The following PRIM2 variants were observed in gnomAD, a reference collection of about 807,000 sequenced individuals.
The protein encoded by PRIM2 is DNA primase large subunit.
In PRIM2, 39 loss-of-function variants were observed where a neutral mutation model predicts 67.3. The ratio of observed to expected loss-of-function variants is 0.58; its 90% CI spans 0.45 to 0.76. The LOEUF (loss-of-function observed/expected upper bound fraction) is 0.76, where lower values mean the gene tolerates loss of function less well. PRIM2 is among the 30% of genes least tolerant of loss of function. The pLI is 0.00. For missense variants in PRIM2, 398 were observed against 598.7 expected (o/e 0.66, Z 3.50); for synonymous variants, 143 against 198.7 (o/e 0.72, Z 2.36).
intron 5 of PRIM2, among the ~76,000 whole-genome samples, chr6:57,362,434 A>G (rs1769232914): frequency 6.6e-6 from 1 of 152,124 alleles, no homozygotes; most frequent in Non-Finnish European, 1.5e-5. Flanking sequence ...ACTCAAAGCA[A>G]GTTTCTCCCT....
At chr6:57,221,815 C>A in the PRIM2 span, 1 of 152,392 alleles carries the variant, frequency 6.6e-6, no homozygotes, top group Non-Finnish European at 1.5e-5. Flanking sequence ...AGGGGAGAGC[C>A]GGCGCTCGGC....
At chr6:57,548,455 A>G (rs1446962491) in intron 10 of PRIM2, among the ~76,000 whole-genome samples, 1 of 152,060 alleles carries the variant, frequency 6.6e-6, no homozygotes, top group Non-Finnish European at 1.5e-5. Context: ...GAGCAGTAAA[A>G]CTCATGGAAA....
At chr6:57,564,520 TC>T (rs1185572728) in intron 10 of PRIM2, among the ~76,000 whole-genome samples, 1 of 152,220 alleles carries the variant, frequency 6.6e-6, no homozygotes, top group Non-Finnish European at 1.5e-5. Context: ...AAGTTTTCTT[TC>T]TTTTTTTTAC....
At chr6:57,567,774 T>C in intron 10 of PRIM2, among the ~76,000 whole-genome samples, 1 of 152,248 alleles carries the variant, frequency 6.6e-6, no homozygotes. Flanking sequence ...TTAGTCATGT[T>C]GGGGGAGATT....
rs1325450724 is a variant in PRIM2, at chr6:57,523,870, T to A, written c.762-8541T>A. On this transcript the variant is annotated intron_variant, in intron 8 of 13. Coordinates refer to ENST00000615550, the MANE Select transcript of PRIM2 (RefSeq NM_000947.5). ...TGCTCATATTGATATTCGTGGTACA[T>A]TGAACAGGACTTAAATTTCTGTTGT... Among the ~76,000 whole-genome samples, 4 of 152,334 alleles carry A rather than the reference T, an allele frequency of 2.6e-5. No individual in the cohort carries two copies. In the East Asian group the frequency reaches 7.7e-4, roughly 29 times the overall value.
chr6:57,632,841 C>T (rs2127499619), intron 13 of PRIM2, among the ~76,000 whole-genome samples: 1 of 152,330 alleles, frequency 6.6e-6, no homozygotes, highest in African/African-American at 2.4e-5. Flanking sequence ...TACTTATCTG[C>T]ATGGCAAAAC....
chr6:57,232,279 G>A, the PRIM2 span, among the ~76,000 whole-genome samples: 1 of 152,192 alleles, frequency 6.6e-6, no homozygotes, highest in African/African-American at 2.4e-5. Flanking sequence ...GGGACTGGGC[G>A]TGGTGGCTCA....
At chr6:57,268,806 C>T in the PRIM2 span, among the ~76,000 whole-genome samples, 2 of 131,610 alleles carry the variant, frequency 1.5e-5, no homozygotes, top group South Asian at 2.7e-4. Context: ...ACAACAGTCC[C>T]CAGAGTGTGA....
In PRIM2 at chr6:57,646,581, C is replaced by T. The variant is rs1279738864; in HGVS notation, c.*423C>T. On this transcript the variant is annotated 3_prime_UTR_variant, in exon 14 of 14. Coordinates refer to ENST00000615550, the MANE Select transcript of PRIM2 (RefSeq NM_000947.5). ...ATCCCAATCCATCTACAGGCATGCACACTTATTAGGAAAGGAGGTTTGAGG... is the reference window on the plus strand; with the variant it reads ...ATCCCAATCCATCTACAGGCATGCATACTTATTAGGAAAGGAGGTTTGAGG... The T allele has an allele frequency of 6.4e-6, 1 of 155,802 alleles. No individual in the cohort carries two copies. Among genetic ancestry groups the T allele is most frequent in the Non-Finnish European group, 1.4e-5 (1 of 70,878 alleles). 9.7% of individuals were successfully genotyped at this position (155,802 alleles called of 1,614,324 possible). A position where few individuals can be genotyped will look rare whatever the true frequency, so the allele number is the denominator to read the frequency against.
At chr6:57,342,729 A>G (rs939739122) in intron 5 of PRIM2, among the ~76,000 whole-genome samples, 4 of 152,218 alleles carry the variant, frequency 2.6e-5, no homozygotes, top group Non-Finnish European at 4.4e-5. Flanking sequence ...ACCTCATATT[A>G]AAAAGACCTA....
intron 7 of PRIM2, among the ~76,000 whole-genome samples, chr6:57,485,484 G>T (rs1429897938): frequency 1.3e-5 from 2 of 152,072 alleles, no homozygotes; most frequent in Non-Finnish European, 2.9e-5. Context: ...GGAGTTAGAT[G>T]TATGTTTGTA....
the PRIM2 span, among the ~76,000 whole-genome samples, chr6:57,229,672 A>G: frequency 6.6e-6 from 1 of 151,838 alleles, no homozygotes; most frequent in Non-Finnish European, 1.5e-5. Flanking sequence ...TTGTATTTTT[A>G]GTAGAGACAG....
intron 7 of PRIM2, among the ~76,000 whole-genome samples, chr6:57,498,044 C>T (rs1275437985): frequency 3.3e-5 from 5 of 152,114 alleles, no homozygotes; most frequent in African/African-American, 1.2e-4. Context: ...AGAGCAGCTG[C>T]TTGTAAAAGT....
chr6:57,283,831 A>G, the PRIM2 span, among the ~76,000 whole-genome samples: 21 of 152,192 alleles, frequency 1.4e-4, no homozygotes, highest in African/African-American at 4.8e-4. Context: ...AATTATAGGT[A>G]ATATATTCTT....
intron 7 of PRIM2, among the ~76,000 whole-genome samples, chr6:57,409,359 T>A (rs1315302723): frequency 6.6e-6 from 1 of 152,078 alleles, no homozygotes; most frequent in African/African-American, 2.4e-5. Context: ...GTATTTTTAG[T>A]AGAGGCAGGG....
chr6:57,315,383 CTTCCAA>C (rs1410333980), upstream of PRIM2, among the ~76,000 whole-genome samples: 2 of 152,204 alleles, frequency 1.3e-5, no homozygotes, highest in East Asian at 3.9e-4. Context: ...TAATCTTGAT[CTTCCAA>C]AAGATAAAGA....
chr6:57,455,884 A>G (rs1451457646), intron 7 of PRIM2, among the ~76,000 whole-genome samples: 1 of 152,138 alleles, frequency 6.6e-6, no homozygotes, highest in Non-Finnish European at 1.5e-5. Flanking sequence ...CCTAGCCTGG[A>G]TGGTCTTTAC....
chr6:57,529,398 C>G (rs1196960261), intron 8 of PRIM2, among the ~76,000 whole-genome samples: 1 of 151,932 alleles, frequency 6.6e-6, no homozygotes, highest in African/African-American at 2.4e-5. Context: ...CCTCTTTGCT[C>G]TACTGTAAGA....
the PRIM2 span, among the ~76,000 whole-genome samples, chr6:57,241,048 ACT>A: frequency 6.6e-6 from 1 of 151,778 alleles, no homozygotes; most frequent in Non-Finnish European, 1.5e-5. Context: ...CACGGGTGAA[ACT>A]CTGTCTCTAC....
Sources: gnomAD v4.1 joint callset for allele counts (sites outside exome capture counted in the v4.1 genomes callset) on GRCh38, gnomAD v4.1.1 for gene constraint, MANE v1.5 for transcripts, NCBI Gene and HGNC (gene_info 2026-07-23, HGNC 2026-07-21) for gene names.